Variants in TCFL5 observed in about 807,000 individuals in gnomAD.
The protein encoded by TCFL5 is transcription factor-like 5 protein.
In TCFL5, 9 loss-of-function variants were observed where a neutral mutation model predicts 44.3. The observed-to-expected ratio is 0.20, with a 90% CI of 0.12 to 0.35. The LOEUF (loss-of-function observed/expected upper bound fraction) is 0.35, where lower values mean the gene tolerates loss of function less well. Ranked by LOEUF, TCFL5 falls within the 10% of genes least tolerant of loss-of-function variation. The pLI is 1.00. For synonymous variants in TCFL5, 319 were observed against 271.6 expected (o/e 1.17, Z -1.72); for missense variants, 603 against 613.4 (o/e 0.98, Z 0.18).
At chr20:62,843,234 G>A (rs1486740707) in intron 5 of TCFL5, among the ~76,000 whole-genome samples, 1 of 152,220 alleles carries the variant, frequency 6.6e-6, no homozygotes, top group Non-Finnish European at 1.5e-5. Flanking sequence ...TGATTCAAAT[G>A]AGCTGACCGT....
Position 62,842,046 on chromosome 20 carries a change from T to C in TCFL5, c.1432A>G (p.Arg478Gly), listed in dbSNP as rs1294535266. The C allele has an allele frequency of 1.2e-6, 2 of 1,614,256 alleles. No individual in the cohort carries two copies. Among genetic ancestry groups the C allele is most frequent in the East Asian group, 2.2e-5 (1 of 44,892 alleles). ...GGACAGGTCACCAAGGAGTCCGGTC[T>C]GGTCAGCTTTAGCCTTCGGCCAGTT... is the stretch of plus-strand genomic sequence containing the variant. Reference protein sequence around the residue: ...GKTGRRLKLTRPDSLVTCPAQ... With the variant: ...GKTGRRLKLTGPDSLVTCPAQ... The change falls in exon 6 of 6, where the codon AGA (arginine) becomes GGA (glycine). Residue 478 changes from arginine (R) to glycine (G), a missense_variant. Coordinates refer to ENST00000335351, the MANE Select transcript of TCFL5 (RefSeq NM_006602.4). This position sits in a 1 kb window ranked among gnomAD's most constrained non-coding sequence, Gnocchi z 4.3.
At chr20:62,853,954 A>G in intron 5 of TCFL5, 62 bp downstream of exon 5, 2 of 1,569,966 alleles carry the variant, frequency 1.3e-6, no homozygotes, top group Non-Finnish European at 1.7e-6. Context: ...CTTAGGAAAA[A>G]GGAGGGACAT....
chr20:62,843,689 C>T (rs907285552), intron 5 of TCFL5, among the ~76,000 whole-genome samples: 2 of 152,158 alleles, frequency 1.3e-5, no homozygotes, highest in South Asian at 2.1e-4. Flanking sequence ...GCTGTGCAGC[C>T]GCCACCACCT....
chr20:62,844,240 G>T (rs2063710774), intron 5 of TCFL5, among the ~76,000 whole-genome samples: 1 of 152,122 alleles, frequency 6.6e-6, no homozygotes, highest in South Asian at 2.1e-4. Context: ...TTGCTATTTT[G>T]CTTTTGTTTT....
intron 1 of TCFL5, 74 bp downstream of exon 1, chr20:62,860,950 G>C: frequency 1.0e-6 from 1 of 972,780 alleles, no homozygotes; most frequent in Non-Finnish European, 1.2e-6. Context: ...GGCCCCCTTT[G>C]CCTCCGCCCC....
rs908993345 is a variant in TCFL5, at chr20:62,861,051, G to T, written c.620C>A (p.Pro207His). Residue 207 changes from proline to histidine, a missense_variant, in exon 1 of 6, where the codon CCC (proline) becomes CAC (histidine). Coordinates refer to ENST00000335351, the MANE Select transcript of TCFL5 (RefSeq NM_006602.4). The surrounding 1 kb of genome is among the most constrained non-coding windows in gnomAD (Gnocchi z 4.0). ...EPPPAPRGPE[P>H]PEPGGALNNL... The stretch of plus-strand genomic sequence containing the variant: ...GTTGAGCGCCCCGCCCGGCTCGGGG[G>T]GCTCGGGGCCGCGCGGCGCGGGCGG... 1.6e-5 allele frequency: 16 copies of T among 995,202 alleles called. No homozygotes were observed. In the Admixed American group the frequency reaches 6.1e-4, roughly 38 times the overall value. 61.6% of individuals were successfully genotyped at this position (995,202 alleles called of 1,614,324 possible).
At position 62,860,421 on chromosome 20, in the gene TCFL5, C is replaced by A. The variant is rs915184763; in HGVS notation, c.648-113G>T. 5.5e-6 allele frequency: 5 copies of A among 901,572 alleles called. No individual in the cohort carries two copies. The African/African-American group carries it at 6.7e-5, about 12-fold the overall frequency. The allele number at this position is 901,572 out of a possible 1,614,324, so 55.8% of individuals were successfully genotyped here. ...TTCCAGACAGCAACCCAACTCTCAT[C>A]CTGGAAATCTCTACACAACAATTAG... is the stretch of plus-strand genomic sequence containing the variant. On this transcript the variant is annotated intron_variant, in intron 1 of 5. Transcript: ENST00000335351.
intron 5 of TCFL5, among the ~76,000 whole-genome samples, chr20:62,850,271 T>C (rs1434779157): frequency 2.0e-5 from 3 of 152,262 alleles, no homozygotes; most frequent in East Asian, 1.9e-4. Context: ...GTAATTCCTA[T>C]GTTCACTAGA....
At position 62,860,162 on chromosome 20, in the gene TCFL5, C is replaced by A. The variant is rs760646699; in HGVS notation, c.794G>T (p.Cys265Phe). 9 of 1,612,636 alleles carry A rather than the reference C, an allele frequency of 5.6e-6. No individual in the cohort carries two copies. The highest frequency in any genetic ancestry group is 7.6e-6 in the Non-Finnish European group (9 of 1,178,840). The change falls in exon 2 of 6, where the codon TGC (cysteine) becomes TTC (phenylalanine). Residue 265 changes from cysteine to phenylalanine, a missense_variant. Around this residue, in one of 4 missense-constraint regions of TCFL5, gnomAD observed 540 missense variants for 478.7 expected, o/e 1.13. Transcript: ENST00000335351. Reference sequence around the variant, plus strand: ...AAGATTAGAATTTCCACTAGTAGAGCAAGCATTTGTAGTAAACAGTGGGTA... The same window carrying A: ...AAGATTAGAATTTCCACTAGTAGAGAAAGCATTTGTAGTAAACAGTGGGTA... ...FTYPLFTTNA[C>F]STSGNSNLSQ...
chr20:62,854,286 G>A (rs773540123), intron 4 of TCFL5, 129 bp from the exon 5 acceptor site: 94 of 1,218,984 alleles, frequency 7.7e-5, no homozygotes, highest in East Asian at 7.6e-4. Context: ...CCACGGAAGC[G>A]CCTGTCACCA....
chr20:62,855,684 T>C (rs1719339124), intron 4 of TCFL5, among the ~76,000 whole-genome samples: 1 of 151,966 alleles, frequency 6.6e-6, no homozygotes, highest in Non-Finnish European at 1.5e-5. Context: ...GAGAATCGCT[T>C]GAACCTGGGA....
rs890772344 is a variant in TCFL5 at position 62,853,954 on chromosome 20, A to C, written c.1380+62T>G. 20 of 1,569,972 alleles carry C rather than the reference A, an allele frequency of 1.3e-5. No individual in the cohort carries two copies. The South Asian group carries it at 1.6e-4, about 12-fold the overall frequency. On this transcript the variant is annotated intron_variant, in intron 5 of 5. Coordinates refer to ENST00000335351, the MANE Select transcript of TCFL5 (RefSeq NM_006602.4). ...ATAGTTTGAGTTATCCTTAGGAAAAAGGAGGGACATTGTTAAGTAAAATTT... is the reference window on the plus strand; with the variant it reads ...ATAGTTTGAGTTATCCTTAGGAAAACGGAGGGACATTGTTAAGTAAAATTT...
At chr20:62,843,822 CTTG>C (rs1360786354) in intron 5 of TCFL5, among the ~76,000 whole-genome samples, 2 of 152,194 alleles carry the variant, frequency 1.3e-5, no homozygotes, top group Admixed American at 6.5e-5. Context: ...CTCTAGGTGC[CTTG>C]TTTACGGAAT....
rs1411962225 is a variant in TCFL5 at position 62,841,818 on chromosome 20, A to T, written c.*157T>A. On this transcript the variant is annotated 3_prime_UTR_variant, in exon 6 of 6. Coordinates refer to ENST00000335351, the MANE Select transcript of TCFL5 (RefSeq NM_006602.4). ...CATTTGCGTCTAGATAAATATTTTT[A>T]CAAAATGTGCTCTCAAAGTCCCTAC... 3.4e-6 allele frequency: 3 copies of T among 880,394 alleles called. No individual in the cohort carries two copies. Among genetic ancestry groups the T allele is most frequent in the South Asian group, 5.2e-5 (2 of 38,800 alleles). 54.5% of individuals were successfully genotyped at this position (880,394 alleles called of 1,614,324 possible).
In TCFL5 at chr20:62,859,583, A is replaced by G. The variant is rs547247326; in HGVS notation, c.832-57T>C. 20 of 1,510,788 alleles carry G rather than the reference A, an allele frequency of 1.3e-5. No homozygotes were observed. The African/African-American group carries it at 2.7e-4, about 20-fold the overall frequency. 93.6% of individuals were successfully genotyped at this position (1,510,788 alleles called of 1,614,324 possible). A position where few individuals can be genotyped will look rare whatever the true frequency, so the allele number is the denominator to read the frequency against. On this transcript the variant is annotated intron_variant, in intron 2 of 5. Transcript: ENST00000335351. The stretch of plus-strand genomic sequence containing the variant: ...CAATATGTGGCTTACTCTCCTCTTT[A>G]CTGCACAAATGAAATGCACTTAACA...
intron 4 of TCFL5, among the ~76,000 whole-genome samples, chr20:62,854,661 C>T (rs2063860556): frequency 6.6e-6 from 1 of 152,158 alleles, no homozygotes; most frequent in Admixed American, 6.5e-5. Context: ...GATCACGGCC[C>T]AACACTCTGT....
Position 62,859,428 on chromosome 20 carries a change from G to A in TCFL5, c.930C>T (p.Ser310=), listed in dbSNP as rs2063950315. The A allele has an allele frequency of 6.2e-7, 1 of 1,613,968 alleles. No homozygotes were observed. The highest frequency in any genetic ancestry group is 1.3e-5 in the African/African-American group (1 of 75,028). ...TTCTACTACCTAACGTCTGTTTAGTGGATTCAATTTCTTGCTGATAACAGA... is the reference window on the plus strand; with the variant it reads ...TTCTACTACCTAACGTCTGTTTAGTAGATTCAATTTCTTGCTGATAACAGA... The part of the protein sequence containing the change: ...FSFCYQQEIE[S]TKQTLGSRNK... The change falls in exon 3 of 6, where the codon TCC becomes TCT. Residue 310 remains serine, a synonymous_variant. Transcript: ENST00000335351.
chr20:62,861,293 G>A lies in TCFL5; in HGVS notation c.378C>T (p.Phe126=), dbSNP rs1329515409. Residue 126 remains phenylalanine, a synonymous_variant, in exon 1 of 6, where the codon TTC becomes TTT. Coordinates refer to ENST00000335351, the MANE Select transcript of TCFL5 (RefSeq NM_006602.4). The surrounding 1 kb of genome is among the most constrained non-coding windows in gnomAD (Gnocchi z 4.0). Reference sequence around the variant, plus strand: ...TTAGCAGCATCATGCGCAGCTCCTGGAAGTCGATGTGGCCCAGGCAGGGCG... The same window carrying A: ...TTAGCAGCATCATGCGCAGCTCCTGAAAGTCGATGTGGCCCAGGCAGGGCG... ...ADAPCLGHID[F]QELRMMLLSE... 4 of 1,210,616 alleles carry A rather than the reference G, an allele frequency of 3.3e-6. No homozygotes were observed. The highest frequency in any genetic ancestry group is 3.5e-5 in the South Asian group (2 of 57,246). 75.0% of individuals were successfully genotyped at this position (1,210,616 alleles called of 1,614,324 possible).
Position 62,859,489 on chromosome 20 carries a change from T to C in TCFL5, c.869A>G (p.Lys290Arg). Residue 290 changes from lysine (K) to arginine (R), a missense_variant, in exon 3 of 6, where the codon AAG (lysine) becomes AGG (arginine). By Grantham distance (26) the Lys-to-Arg change is conservative. This residue lies in a region of TCFL5 where 540 missense variants were observed against 478.7 expected (regional missense o/e 1.13). Transcript: ENST00000335351. ...SNSCSVLEAA[K>R]HQDIGLPRAF... The stretch of plus-strand genomic sequence containing the variant: ...TCTAGGCAATCCAATATCCTGGTGC[T>C]TGGCAGCTTCAAGTACAGAACATGA... 1 of 1,613,582 alleles carries C rather than the reference T, an allele frequency of 6.2e-7. No individual in the cohort carries two copies. Among genetic ancestry groups the C allele is most frequent in the South Asian group, 1.1e-5 (1 of 90,978 alleles).
Sources: allele counts gnomAD v4.1 joint callset (sites outside exome capture counted in the v4.1 genomes callset), GRCh38; gene constraint gnomAD v4.1.1; regional missense constraint gnomAD v4.1.1; non-coding constraint Gnocchi (gnomAD v3.1); transcripts MANE v1.5; gene names NCBI Gene and HGNC (gene_info 2026-07-23, HGNC 2026-07-21).